BIRC6: variants seen among roughly 807,000 people sequenced by gnomAD.
BIRC6 encodes dual E2 ubiquitin-conjugating enzyme/E3 ubiquitin-protein ligase BIRC6.
A neutral mutation model predicts 503.3 loss-of-function variants in BIRC6; 98 were observed. The observed-to-expected ratio is 0.19, with a 90% CI of 0.17 to 0.23. BIRC6 has a LOEUF of 0.23. Ranked by LOEUF, BIRC6 falls within the 10% of genes least tolerant of loss-of-function variation. The pLI is 1.00. For synonymous variants in BIRC6, 2,240 were observed against 2,078.7 expected (o/e 1.08, Z -2.11); for missense variants, 5,360 against 5,806.0 (o/e 0.92, Z 2.50).
intron 23 of BIRC6, among the ~76,000 whole-genome samples, chr2:32,462,071 G>A (rs1360272316): frequency 6.6e-6 from 1 of 151,944 alleles, no homozygotes; most frequent in African/African-American, 2.4e-5. Flanking sequence ...AAAAAGGTGG[G>A]GGGGATCATG....
chr2:32,427,239 T>C (rs2147860704), intron 10 of BIRC6, among the ~76,000 whole-genome samples: 1 of 152,182 alleles, frequency 6.6e-6, no homozygotes, highest in Non-Finnish European at 1.5e-5. Context: ...TTCTTAATAT[T>C]TTATCTGTCC....
In BIRC6 at chr2:32,482,461, T is replaced by C; in HGVS notation, c.7575T>C (p.Gly2525=). 6.2e-7 allele frequency: 1 copy of C among 1,613,904 alleles called. No homozygotes were observed. Among genetic ancestry groups the C allele is most frequent in the Middle Eastern group, 1.6e-4 (1 of 6,062 alleles). ...PISSTWYDYW[G]ADYGTYNYNP... Reference sequence around the variant, plus strand: ...GCAGTACATGGTATGATTATTGGGGTGCTGATTATGGGACCTACAATTACA... The same window carrying C: ...GCAGTACATGGTATGATTATTGGGGCGCTGATTATGGGACCTACAATTACA... Residue 2525 remains glycine, a synonymous_variant, in exon 39 of 74, where the codon GGT becomes GGC. Transcript: ENST00000421745.
Position 32,429,330 on chromosome 2 carries a change from AG to A in BIRC6, c.3022+36del. ...TAAATTTTTAAATGATTTTAAAAAAAGAATAGGTAGTATTTATCATTTTTCT... is the reference window on the plus strand; with the variant it reads ...TAAATTTTTAAATGATTTTAAAAAAAAATAGGTAGTATTTATCATTTTTCT... On this transcript the variant is annotated intron_variant, in intron 11 of 73. Coordinates refer to ENST00000421745, the MANE Select transcript of BIRC6 (RefSeq NM_016252.4). 8 of 1,383,324 alleles carry A rather than the reference AG, an allele frequency of 5.8e-6. No homozygotes were observed. The South Asian group carries it at 1.2e-4, about 20-fold the overall frequency. 85.7% of individuals were successfully genotyped at this position (1,383,324 alleles called of 1,614,324 possible).
In BIRC6 at chr2:32,401,352, G is replaced by A; in HGVS notation, c.1224G>A (p.Lys408=). 6.2e-7 allele frequency: 1 copy of A among 1,614,028 alleles called. No individual in the cohort carries two copies. The highest frequency in any genetic ancestry group is 8.5e-7 in the Non-Finnish European group (1 of 1,179,888). ...HFLAAATKRG[K]ICIWDVSKLM... is the part of the protein sequence containing the mutation. ...TAGCTGCTGCAACTAAACGAGGAAA[G>A]ATCTGCATATGGGATGTTTCCAAAC... Residue 408 remains lysine (K), a synonymous_variant, in exon 7 of 74, where the codon AAG becomes AAA. Coordinates refer to ENST00000421745, the MANE Select transcript of BIRC6 (RefSeq NM_016252.4).
chr2:32,393,590 TGCCACAGCTCACTGC>T (rs1376228923), intron 5 of BIRC6, among the ~76,000 whole-genome samples: 1 of 152,186 alleles, frequency 6.6e-6, no homozygotes, highest in Non-Finnish European at 1.5e-5. Flanking sequence ...CAGCTCACTG[TGCCACAGCTCACTGC>T]AGCCTCAGCT....
At position 32,465,162 on chromosome 2, in the gene BIRC6, C is replaced by T; in HGVS notation, c.5354C>T (p.Ser1785Leu). 1.4e-6 allele frequency: 2 copies of T among 1,438,426 alleles called. No individual in the cohort carries two copies. The highest frequency in any genetic ancestry group is 1.5e-5 in the African/African-American group (1 of 67,142). 89.1% of individuals were successfully genotyped at this position (1,438,426 alleles called of 1,614,324 possible). ...TCCATTATTATAGAGCGAATGCATTCAGGTAATCTTTTACTTTCTTAAATT... is the reference window on the plus strand; with the variant it reads ...TCCATTATTATAGAGCGAATGCATTTAGGTAATCTTTTACTTTCTTAAATT... ...HQSIIIERMHSGARRFVTLDF... is the reference protein window; with the variant it reads ...HQSIIIERMHLGARRFVTLDF... The change falls in exon 26 of 74, where the codon TCA (serine) becomes TTA (leucine). Residue 1785 changes from serine (S) to leucine (L), a missense_variant and splice_region_variant. Around this residue, in one of 16 missense-constraint regions of BIRC6, gnomAD observed 2,299 missense variants for 2,267.2 expected, o/e 1.01. Transcript: ENST00000421745.
intron 23 of BIRC6, among the ~76,000 whole-genome samples, chr2:32,457,930 C>T (rs751129193): frequency 1.3e-5 from 2 of 151,964 alleles, no homozygotes; most frequent in African/African-American, 2.4e-5. Flanking sequence ...CAAAACAGAT[C>T]TAATATCTGA....
chr2:32,546,552 A>G (rs1015133033), intron 63 of BIRC6, among the ~76,000 whole-genome samples: 1 of 151,910 alleles, frequency 6.6e-6, no homozygotes, highest in African/African-American at 2.4e-5. Flanking sequence ...TGCACTCCAG[A>G]CTGGGCGACA....
rs145334131 is a variant in BIRC6, at chr2:32,436,373, T to C, written c.3631+189T>C. On this transcript the variant is annotated intron_variant, in intron 15 of 73. Transcript: ENST00000421745. ...TAACTGTATGGTTATCTGATCCTACTTTTTGTGTCTTAAGAGGTCTCAGTG... is the reference window on the plus strand; with the variant it reads ...TAACTGTATGGTTATCTGATCCTACCTTTTGTGTCTTAAGAGGTCTCAGTG... Among the ~76,000 whole-genome samples, 839 of 152,322 alleles carry C rather than the reference T, an allele frequency of 5.5e-3. 11 individuals carry two copies. The highest frequency in any genetic ancestry group is 0.019 in the African/African-American group (791 of 41,566).
intron 66 of BIRC6, among the ~76,000 whole-genome samples, chr2:32,578,999 A>C (rs2060474973): frequency 2.8e-5 from 2 of 70,696 alleles, no homozygotes; most frequent in African/African-American, 6.3e-5. Flanking sequence ...TACACTTAAT[A>C]TATATATATA....
At chr2:32,491,662 C>G in intron 44 of BIRC6, 104 bp downstream of exon 44, 1 of 1,184,080 alleles carries the variant, frequency 8.4e-7, no homozygotes, top group Non-Finnish European at 1.2e-6. Context: ...AAATAATAGC[C>G]TTTTATGTAT....
chr2:32,569,319 C>G (rs77883415), intron 65 of BIRC6, among the ~76,000 whole-genome samples: 1,951 of 152,040 alleles, frequency 0.013, 27 homozygotes, highest in Non-Finnish European at 0.015. Flanking sequence ...CCTTTTACTT[C>G]CTTGGTTAAA....
intron 62 of BIRC6, 26 bp downstream of exon 62, chr2:32,543,567 A>G: frequency 1.9e-6 from 3 of 1,598,762 alleles, no homozygotes; most frequent in Non-Finnish European, 2.6e-6. Flanking sequence ...TAAATTTATC[A>G]ACACATATGT....
At chr2:32,508,321 GGGGACTTAATTATTTTGT>G in intron 51 of BIRC6, 62 bp downstream of exon 51, 1 of 1,418,130 alleles carries the variant, frequency 7.1e-7, no homozygotes, top group Non-Finnish European at 9.1e-7. Context: ...TTGGGAGATA[GGGGACTTAATTATTTTGT>G]GGGTTTTTTC....
chr2:32,493,427 G>T (rs1046381134), intron 44 of BIRC6, 113 bp from the exon 45 acceptor site: 2 of 948,388 alleles, frequency 2.1e-6, no homozygotes, highest in Non-Finnish European at 3.0e-6. Flanking sequence ...TGTTTTCCTC[G>T]TACGAAAAGT....
Position 32,484,564 on chromosome 2 carries a change from A to C in BIRC6, c.7697-1079A>C, listed in dbSNP as rs1369428123. Among the ~76,000 whole-genome samples, 4 of 150,002 alleles carry C rather than the reference A, an allele frequency of 2.7e-5. No individual in the cohort carries two copies. The East Asian group carries it at 7.8e-4, about 29-fold the overall frequency. On this transcript the variant is annotated intron_variant, in intron 39 of 73. Coordinates refer to ENST00000421745, the MANE Select transcript of BIRC6 (RefSeq NM_016252.4). ...AAACTCCAACTCAAAAAAAAAAAAA[A>C]AAGAAAGAAAGAAAGAAAAAATTAC...
At chr2:32,579,066 A>AAT (rs1447275431) in intron 66 of BIRC6, among the ~76,000 whole-genome samples, 3 of 142,026 alleles carry the variant, frequency 2.1e-5, no homozygotes, top group African/African-American at 2.6e-5. Flanking sequence ...ATGTATACCT[A>AAT]ATATATATAT....
chr2:32,414,473 C>A (rs1010557402), intron 9 of BIRC6, among the ~76,000 whole-genome samples: 1 of 151,886 alleles, frequency 6.6e-6, no homozygotes, highest in African/African-American at 2.4e-5. Context: ...TTGAGACCAT[C>A]CTGGACAACA....
At chr2:32,583,214 A>C (rs1180721585) in intron 66 of BIRC6, among the ~76,000 whole-genome samples, 1 of 152,198 alleles carries the variant, frequency 6.6e-6, no homozygotes, top group East Asian at 1.9e-4. Flanking sequence ...TTTAATGGTG[A>C]TTTAGTCTGT....
Sources: allele counts gnomAD v4.1 joint callset (sites outside exome capture counted in the v4.1 genomes callset), GRCh38; gene constraint gnomAD v4.1.1; regional missense constraint gnomAD v4.1.1; transcripts MANE v1.5; gene names NCBI Gene and HGNC (gene_info 2026-07-23, HGNC 2026-07-21).